ARHGAP12: variants seen among roughly 807,000 people sequenced by gnomAD.
ARHGAP12 encodes the protein Rho GTPase activating protein 12.
In ARHGAP12, 64 loss-of-function variants were observed where a neutral mutation model predicts 108.6. That is an observed-to-expected ratio of 0.59 (90% CI 0.48 to 0.73). The LOEUF is 0.73. Ranked by LOEUF, ARHGAP12 falls within the 30% of genes least tolerant of loss-of-function variation. The pLI is 0.00. For synonymous variants in ARHGAP12, 312 were observed against 337.2 expected (o/e 0.93, Z 0.82); for missense variants, 940 against 1,005.9 (o/e 0.93, Z 0.89).
intron 3 of ARHGAP12, among the ~76,000 whole-genome samples, chr10:31,868,354 ATTAGTATTATATATGTTTT>A (rs1564400622): frequency 6.6e-6 from 1 of 152,124 alleles, no homozygotes; most frequent in East Asian, 1.9e-4. Flanking sequence ...TTCTCTGGAT[ATTAGTATTATATATGTTTT>A]TTTCTATGTG....
chr10:31,853,488 A>C (rs1479838554), intron 5 of ARHGAP12, among the ~76,000 whole-genome samples: 1 of 152,218 alleles, frequency 6.6e-6, no homozygotes, highest in African/African-American at 2.4e-5. Context: ...CGTATGTTCT[A>C]ATGTCAAATA....
chr10:31,850,739 AAACTT>A (rs1434896673), intron 6 of ARHGAP12, among the ~76,000 whole-genome samples: 11 of 152,186 alleles, frequency 7.2e-5, no homozygotes, highest in Admixed American at 2.6e-4. Flanking sequence ...AACTTTTATA[AAACTT>A]AACTTTAAAA....
chr10:31,908,599 C>A lies in ARHGAP12; in HGVS notation c.257G>T (p.Gly86Val). ...ALMPPVKQVAGLPNNSTKIMQ... is the reference protein window; with the variant it reads ...ALMPPVKQVAVLPNNSTKIMQ... ...TATTTTCGTGGAGTTATTTGGCAGA[C>A]CAGCTACCTGCTTAACAGGTGGCAT... Residue 86 changes from glycine to valine, a missense_variant, in exon 3 of 20, where the codon GGT (glycine) becomes GTT (valine). Physicochemically the swap from Gly to Val is moderately radical, Grantham distance 109. Transcript: ENST00000344936. 2 of 1,614,204 alleles carry A rather than the reference C, an allele frequency of 1.2e-6. No individual in the cohort carries two copies. Among genetic ancestry groups the A allele is most frequent in the Non-Finnish European group, 8.5e-7 (1 of 1,180,036 alleles).
chr10:31,834,618 C>T (rs1460638403), intron 9 of ARHGAP12, among the ~76,000 whole-genome samples: 1 of 152,136 alleles, frequency 6.6e-6, no homozygotes, highest in African/African-American at 2.4e-5. Flanking sequence ...TTTTTTATTA[C>T]TTTTATTACT....
intron 1 of ARHGAP12, among the ~76,000 whole-genome samples, chr10:31,920,802 C>T (rs1839776832): frequency 6.6e-6 from 1 of 152,100 alleles, no homozygotes; most frequent in Admixed American, 6.5e-5. Flanking sequence ...AACCTAAGTT[C>T]CTGTATACCA....
At chr10:31,892,610 T>C (rs949352153) in intron 3 of ARHGAP12, among the ~76,000 whole-genome samples, 9 of 152,278 alleles carry the variant, frequency 5.9e-5, no homozygotes, top group African/African-American at 2.2e-4. Context: ...AAGCAAGTCC[T>C]TAGAGACCTA....
intron 10 of ARHGAP12, among the ~76,000 whole-genome samples, chr10:31,828,942 A>C (rs1004275581): frequency 1.3e-5 from 2 of 152,222 alleles, no homozygotes; most frequent in Non-Finnish European, 2.9e-5. Context: ...ACCTGAGGTC[A>C]GGAGTTCAAG....
chr10:31,816,831 A>C (rs1835221630), intron 13 of ARHGAP12, among the ~76,000 whole-genome samples: 1 of 152,222 alleles, frequency 6.6e-6, no homozygotes, highest in South Asian at 2.1e-4. Context: ...TGGTTTCAGG[A>C]ATAAACGGAA....
chr10:31,859,060 T>C (rs765835440), intron 4 of ARHGAP12, among the ~76,000 whole-genome samples: 12 of 152,188 alleles, frequency 7.9e-5, no homozygotes, highest in Non-Finnish European at 1.8e-4. Context: ...ACCTGGCTGC[T>C]AGGTGTGCAG....
At chr10:31,836,147 T>G (rs895249336) in intron 9 of ARHGAP12, among the ~76,000 whole-genome samples, 1 of 152,224 alleles carries the variant, frequency 6.6e-6, no homozygotes, top group Non-Finnish European at 1.5e-5. Context: ...ATACTTCAAA[T>G]CATTAAATTT....
intron 9 of ARHGAP12, among the ~76,000 whole-genome samples, chr10:31,833,921 G>C (rs1024090741): frequency 6.6e-6 from 1 of 152,148 alleles, no homozygotes; most frequent in Non-Finnish European, 1.5e-5. Flanking sequence ...CAGAAAGAAT[G>C]CACTAAGAAA....
chr10:31,818,204 T>G (rs1835279685), intron 12 of ARHGAP12, among the ~76,000 whole-genome samples: 2 of 152,156 alleles, frequency 1.3e-5, no homozygotes, highest in Admixed American at 1.3e-4. Flanking sequence ...AAAAATCTGT[T>G]CAAGTATCAA....
At chr10:31,905,994 G>A (rs764912620) in intron 3 of ARHGAP12, among the ~76,000 whole-genome samples, 2 of 151,758 alleles carry the variant, frequency 1.3e-5, no homozygotes, top group African/African-American at 4.9e-5. Flanking sequence ...GAACAGGGCT[G>A]AACTGCACAA....
In ARHGAP12 at chr10:31,908,348, T is replaced by G; in HGVS notation, c.508A>C (p.Ser170Arg). Residue 170 changes from serine to arginine, a missense_variant, in exon 3 of 20, where the codon AGC (serine) becomes CGC (arginine). By Grantham distance (110) the Ser-to-Arg change is moderately radical (BLOSUM62 -1). Transcript: ENST00000344936. ...NNDSHSPKVS[S>R]QNRTRSFGHF... is the part of the protein sequence containing the mutation. ...CCAAATGAGCGTGTCCTATTCTGGCTGGAAACTTTAGGAGAATGTGAGTCA... is the reference window on the plus strand; with the variant it reads ...CCAAATGAGCGTGTCCTATTCTGGCGGGAAACTTTAGGAGAATGTGAGTCA... The G allele has an allele frequency of 6.2e-7, 1 of 1,614,228 alleles. No homozygotes were observed. Among genetic ancestry groups the G allele is most frequent in the South Asian group, 1.1e-5 (1 of 91,082 alleles).
At chr10:31,859,287 C>T (rs546409871) in intron 4 of ARHGAP12, among the ~76,000 whole-genome samples, 1 of 152,282 alleles carries the variant, frequency 6.6e-6, no homozygotes, top group South Asian at 2.1e-4. Flanking sequence ...TGTGGACATT[C>T]TAATTAGTCC....
chr10:31,900,593 T>C (rs1055469884), intron 3 of ARHGAP12, among the ~76,000 whole-genome samples: 1 of 152,148 alleles, frequency 6.6e-6, no homozygotes, highest in African/African-American at 2.4e-5. Flanking sequence ...AAGAAGCCAA[T>C]CTGAAAAGGC....
intron 6 of ARHGAP12, among the ~76,000 whole-genome samples, chr10:31,850,694 G>A (rs1185659748): frequency 6.6e-6 from 1 of 152,080 alleles, no homozygotes; most frequent in Non-Finnish European, 1.5e-5. Flanking sequence ...TTTATTGGAA[G>A]ACAATGAAAT....
chr10:31,859,956 G>A (rs1464283393), intron 4 of ARHGAP12, among the ~76,000 whole-genome samples: 8 of 151,924 alleles, frequency 5.3e-5, no homozygotes, highest in East Asian at 1.9e-4. Context: ...CACCACGCCC[G>A]GCTAATTTAG....
At chr10:31,910,016 A>C (rs1406040016) in intron 2 of ARHGAP12, among the ~76,000 whole-genome samples, 1 of 152,194 alleles carries the variant, frequency 6.6e-6, no homozygotes, top group East Asian at 1.9e-4. Context: ...AGGAACACCA[A>C]GGACTGCTGG....
Sources: allele counts gnomAD v4.1 joint callset (sites outside exome capture counted in the v4.1 genomes callset), GRCh38; gene constraint gnomAD v4.1.1; transcripts MANE v1.5; gene names NCBI Gene and HGNC (gene_info 2026-07-23, HGNC 2026-07-21).